Variants in TSC2 observed in about 807,000 individuals in gnomAD.
The protein encoded by TSC2 is TSC complex subunit 2, also known as tuberin.
Under a neutral mutation model 202.2 loss-of-function variants are expected in TSC2, and 29 were observed. That is an observed-to-expected ratio of 0.14 (90% CI 0.11 to 0.20). The LOEUF is 0.20. Among genes scored for constraint, TSC2 ranks in the 10% least tolerant of loss-of-function variants. The pLI is 1.00. For synonymous variants in TSC2, 1,349 were observed against 1,044.0 expected (o/e 1.29, Z -5.63); for missense variants, 2,429 against 2,420.0 (o/e 1.00, Z -0.08).
Position 2,085,319 on chromosome 16 carries a change from C to G in TSC2, c.4659C>G (p.Gly1553=), listed in dbSNP as rs202212109. ...HKIAVLYVGE[G]QSNSELAILS... ...TCGCCGTCCTGTATGTTGGAGAAGG[C>G]CAGGTGAGGCTGCGGGGCCGGCCTA... The change falls in exon 36 of 42, where the codon GGC becomes GGG. Residue 1553 remains glycine (G), a synonymous_variant. Coordinates refer to ENST00000219476, the MANE Select transcript of TSC2 (RefSeq NM_000548.5). 17 of 1,612,532 alleles carry G rather than the reference C, an allele frequency of 1.1e-5. No homozygotes were observed. Among genetic ancestry groups the G allele is most frequent in the Non-Finnish European group, 1.4e-5 (16 of 1,179,926 alleles).
At chr16:2,061,793 G>A in intron 11 of TSC2, 78 bp from the exon 12 acceptor site, 2 of 1,610,222 alleles carry the variant, frequency 1.2e-6, no homozygotes, top group South Asian at 1.1e-5. Context: ...CCATGCGGTG[G>A]GTGTGTAGCG....
At chr16:2,063,943 C>T (rs1424957140) in intron 14 of TSC2, 3 of 448,908 alleles carry the variant, frequency 6.7e-6, no homozygotes, top group Non-Finnish European at 1.3e-5. Flanking sequence ...CACACACGCA[C>T]AGCACCATGT....
chr16:2,083,459 C>T (rs1328879118), intron 32 of TSC2: 18 of 674,208 alleles, frequency 2.7e-5, no homozygotes, highest in Non-Finnish European at 4.2e-5. Flanking sequence ...TGGGCAGAGC[C>T]GATTGCCTGC....
intron 38 of TSC2, among the ~76,000 whole-genome samples, chr16:2,087,485 TGGGG>T (rs60318294): frequency 3.0e-4 from 24 of 80,376 alleles, no homozygotes; most frequent in African/African-American, 5.7e-4. Flanking sequence ...GACAACCAGT[TGGGG>T]GGGGGGGGGC....
intron 18 of TSC2, 76 bp downstream of exon 18, chr16:2,071,692 T>C (rs2151301275): frequency 6.2e-7 from 1 of 1,601,784 alleles, no homozygotes; most frequent in East Asian, 2.3e-5. Context: ...GCTGTTTGCA[T>C]GTCTGAGGGA....
At position 2,060,350 on chromosome 16, in the gene TSC2, C is replaced by T. The variant is rs548152173; in HGVS notation, c.976-320C>T. ...GGTGGGGGGATGTTGTCTTTGTGCACAGCTTGCAGCCGAACTCAGGGCAGC... is the reference window on the plus strand; with the variant it reads ...GGTGGGGGGATGTTGTCTTTGTGCATAGCTTGCAGCCGAACTCAGGGCAGC... On this transcript the variant is annotated intron_variant, in intron 10 of 41. Coordinates refer to ENST00000219476, the MANE Select transcript of TSC2 (RefSeq NM_000548.5). Among the ~76,000 whole-genome samples, 8 of 152,318 alleles carry T rather than the reference C, an allele frequency of 5.3e-5. 1 individual carries two copies. In the South Asian group the frequency reaches 1.7e-3, roughly 32 times the overall value.
Position 2,072,895 on chromosome 16 carries a change from G to A in TSC2, c.2267G>A (p.Gly756Asp). The change falls in exon 21 of 42, where the codon GGC becomes GAC. Residue 756 changes from glycine (G) to aspartate (D), a missense_variant. Physicochemically the swap from Gly to Asp is moderately conservative, Grantham distance 94 (BLOSUM62 -1). Transcript: ENST00000219476. ...TLERLRGAPE[G>D]FSRTDLHLAV... ...GAGCGGCTCCGAGGCGCCCCAGAAG[G>A]CTTCTCCAGAACTGACTTGCACCTG... 1 of 1,613,630 alleles carries A rather than the reference G, an allele frequency of 6.2e-7. No homozygotes were observed. The highest frequency in any genetic ancestry group is 8.5e-7 in the Non-Finnish European group (1 of 1,180,040).
intron 7 of TSC2, 139 bp downstream of exon 7, chr16:2,056,383 T>A: frequency 7.8e-7 from 1 of 1,278,138 alleles, no homozygotes; most frequent in Non-Finnish European, 1.1e-6. Context: ...GCCTCAGGAG[T>A]CCCCCATGTA....
rs768490850 is a variant in TSC2, at chr16:2,075,880, C to G, written c.2627C>G (p.Thr876Ser). The G allele has an allele frequency of 6.2e-7, 1 of 1,613,188 alleles. No homozygotes were observed. Among genetic ancestry groups the G allele is most frequent in the Non-Finnish European group, 8.5e-7 (1 of 1,179,996 alleles). ...GTGTTCGCCATCTCCCTGCCGTACA[C>G]CAACCCCTCCAAGTGAGTGGTCGCC... The part of the protein sequence containing the change: ...ASVFAISLPY[T>S]NPSKFNQYIV... The change falls in exon 23 of 42, where the codon ACC becomes AGC. Residue 876 changes from threonine (T) to serine (S), a missense_variant. Thr to Ser is a moderately conservative substitution (Grantham distance 58). Coordinates refer to ENST00000219476, the MANE Select transcript of TSC2 (RefSeq NM_000548.5).
chr16:2,048,002 G>T lies in TSC2; in HGVS notation c.-93G>T, dbSNP rs2084550820. 6.7e-6 allele frequency: 10 copies of T among 1,486,094 alleles called. No individual in the cohort carries two copies. The South Asian group carries it at 1.0e-4, about 15-fold the overall frequency. 92.1% of individuals were successfully genotyped at this position (1,486,094 alleles called of 1,614,324 possible). On this transcript the variant is annotated 5_prime_UTR_variant, in exon 1 of 42. Transcript: ENST00000219476. ...CGGGTCGCGCTTCCGGCGGCGTCCC[G>T]GGGCCAGGGGGGTGCGCCTTTCTCC...
Position 2,060,660 on chromosome 16 carries a change from C to T in TSC2, c.976-10C>T, listed in dbSNP as rs765990217. ...TCTGACCCTGTGTGCTGGCCGGGCT[C>T]GTGTTCCAGGCCATGGCATGTCCGA... On this transcript the variant is annotated splice_polypyrimidine_tract_variant and intron_variant, in intron 10 of 41. Transcript: ENST00000219476. The T allele has an allele frequency of 1.4e-5, 23 of 1,613,864 alleles. No individual in the cohort carries two copies. The highest frequency in any genetic ancestry group is 6.6e-5 in the South Asian group (6 of 91,076).
intron 20 of TSC2, 99 bp from the exon 21 acceptor site, chr16:2,072,750 C>T (rs1235429783): frequency 1.9e-6 from 3 of 1,596,318 alleles, no homozygotes; most frequent in East Asian, 2.2e-5. Flanking sequence ...CCCTTTGCCC[C>T]CTTTCCTGGG....
intron 17 of TSC2, 81 bp from the exon 18 acceptor site, chr16:2,071,429 G>A (rs530943939): frequency 3.4e-5 from 50 of 1,449,946 alleles, no homozygotes; most frequent in African/African-American, 7.0e-5. Flanking sequence ...GGTGCTGGAC[G>A]TGGGTCTGAG....
At chr16:2,056,172 G>A (rs751005367) in intron 6 of TSC2, 24 bp from the exon 7 acceptor site, 2 of 1,613,488 alleles carry the variant, frequency 1.2e-6, no homozygotes, top group African/African-American at 1.3e-5. Context: ...GTGCTGCCGG[G>A]ACTGAGCTCG....
At position 2,084,086 on chromosome 16, in the gene TSC2, G is replaced by T. The variant is rs548998855; in HGVS notation, c.4006-142G>T. 3 of 1,459,858 alleles carry T rather than the reference G, an allele frequency of 2.1e-6. No individual in the cohort carries two copies. The South Asian group carries it at 3.7e-5, about 18-fold the overall frequency. 90.4% of individuals were successfully genotyped at this position (1,459,858 alleles called of 1,614,324 possible). ...TGGTGGCAGTGCTGCTGCGTCAACG[G>T]GCGGGGGCCGTAGCCTGGTGCTCGG... On this transcript the variant is annotated intron_variant, in intron 33 of 41. Coordinates refer to ENST00000219476, the MANE Select transcript of TSC2 (RefSeq NM_000548.5).
rs772834557 is a variant in TSC2, at chr16:2,064,362, C to G, written c.1534C>G (p.Leu512Val). ...GGTCCGAAAGCTGGCCACCCAGTTGCTGGTGGACCTGGCAGAGGGCTGCCA... is the reference window on the plus strand; with the variant it reads ...GGTCCGAAAGCTGGCCACCCAGTTGGTGGTGGACCTGGCAGAGGGCTGCCA... ...HQVRKLATQL[L>V]VDLAEGCHTH... The change falls in exon 15 of 42, where the codon CTG becomes GTG. Residue 512 changes from leucine (L) to valine (V), a missense_variant. Leu to Val is a conservative substitution (Grantham distance 32, BLOSUM62 1). Transcript: ENST00000219476. 16 of 1,613,670 alleles carry G rather than the reference C, an allele frequency of 9.9e-6. No individual in the cohort carries two copies. Among genetic ancestry groups the G allele is most frequent in the Non-Finnish European group, 1.3e-5 (15 of 1,180,044 alleles).
chr16:2,048,454 A>G, intron 1 of TSC2, 133 bp from the exon 2 acceptor site: 2 of 1,165,362 alleles, frequency 1.7e-6, no homozygotes, highest in Non-Finnish European at 2.5e-6. Context: ...GCTGTAGTTG[A>G]GTTCTCCCAG....
chr16:2,066,290 C>G (rs185463552), intron 16 of TSC2: 20 of 154,364 alleles, frequency 1.3e-4, no homozygotes, highest in Non-Finnish European at 2.9e-5. Flanking sequence ...CTGGATTGTT[C>G]CACCCAGCGC....
At chr16:2,063,095 T>A (rs1350016107) in intron 14 of TSC2, 42 bp downstream of exon 14, 1 of 1,548,420 alleles carries the variant, frequency 6.5e-7, no homozygotes, top group Admixed American at 2.0e-5. Context: ...CAGGGCTATT[T>A]CTCCGTGGGC....
Sources: allele counts gnomAD v4.1 joint callset (sites outside exome capture counted in the v4.1 genomes callset), GRCh38; gene constraint gnomAD v4.1.1; transcripts MANE v1.5; gene names NCBI Gene and HGNC (gene_info 2026-07-23, HGNC 2026-07-21).